AKT3: variants seen among roughly 807,000 people sequenced by gnomAD.
The protein encoded by AKT3 is RAC-gamma serine/threonine-protein kinase.
AKT3 carries 15 observed loss-of-function variants against 65.3 expected under a neutral mutation model. That is an observed-to-expected ratio of 0.23 (90% CI 0.15 to 0.35). The LOEUF (loss-of-function observed/expected upper bound fraction) is 0.35. AKT3 is among the 10% of genes least tolerant of loss of function. The probability of loss-of-function intolerance (pLI) is 1.00; values close to 1 mark genes in which losing one functional copy is unlikely to be tolerated. For missense variants in AKT3, 243 were observed against 576.5 expected, an observed-to-expected ratio of 0.42 and a Z score of 5.92; for synonymous variants, 206 against 183.8, an observed-to-expected ratio of 1.12 and a Z score of -0.98.
intron 12 of AKT3, among the ~76,000 whole-genome samples, chr1:243,543,916 A>G (rs1672482861): frequency 6.6e-6 from 1 of 152,192 alleles, no homozygotes; most frequent in African/African-American, 2.4e-5. Context: ...CCAGTAACCA[A>G]TAACATAATA....
At chr1:243,805,291 A>G (rs1205957387) in intron 2 of AKT3, among the ~76,000 whole-genome samples, 1 of 151,970 alleles carries the variant, frequency 6.6e-6, no homozygotes, top group African/African-American at 2.4e-5. Flanking sequence ...CCTTTCAAAG[A>G]TTAACCCCAT....
intron 6 of AKT3, among the ~76,000 whole-genome samples, chr1:243,617,724 A>G (rs566089023): frequency 6.6e-6 from 1 of 152,196 alleles, no homozygotes; most frequent in East Asian, 1.9e-4. Context: ...TGTTTGTGAA[A>G]GTCTACTCAC....
chr1:243,624,381 C>A (rs909556223), intron 6 of AKT3, among the ~76,000 whole-genome samples: 1 of 152,056 alleles, frequency 6.6e-6, no homozygotes, highest in Admixed American at 6.6e-5. Flanking sequence ...ACTTTTTTCC[C>A]CACATGTAAG....
At position 243,500,097 on chromosome 1, in the gene AKT3, G is replaced by C; in HGVS notation, c.*5152C>G. On this transcript the variant is annotated 3_prime_UTR_variant, in exon 14 of 14. Coordinates refer to ENST00000673466, the MANE Select transcript of AKT3 (RefSeq NM_005465.7). Reference sequence around the variant, plus strand: ...ATAAATGAACTTTTTAAAGACTTGAGTTGTAATGTTTCCTTTTTATCTTGT... The same window carrying C: ...ATAAATGAACTTTTTAAAGACTTGACTTGTAATGTTTCCTTTTTATCTTGT... The C allele has an allele frequency of 2.5e-6, 1 of 396,642 alleles. No homozygotes were observed. Among genetic ancestry groups the C allele is most frequent in the Non-Finnish European group, 4.5e-6 (1 of 221,360 alleles). 24.6% of individuals were successfully genotyped at this position (396,642 alleles called of 1,614,324 possible). A position where few individuals can be genotyped will look rare whatever the true frequency, so the allele number is the denominator to read the frequency against.
chr1:243,649,479 G>A (rs1681134839), intron 4 of AKT3, among the ~76,000 whole-genome samples: 1 of 151,498 alleles, frequency 6.6e-6, no homozygotes, highest in Admixed American at 6.6e-5. Flanking sequence ...TTCTTACATG[G>A]GTATACATGT....
At chr1:243,812,602 G>C (rs867670741) in intron 2 of AKT3, among the ~76,000 whole-genome samples, 49 of 152,296 alleles carry the variant, frequency 3.2e-4, no homozygotes, top group African/African-American at 1.2e-3. Flanking sequence ...CATTGTGGAA[G>C]ACAGTGTGGC....
chr1:243,830,681 A>G (rs1435159683), intron 2 of AKT3, among the ~76,000 whole-genome samples: 1 of 152,190 alleles, frequency 6.6e-6, no homozygotes. Flanking sequence ...GATTCTTCTT[A>G]TAGGCTTAGA....
At chr1:243,527,385 G>T (rs1038526644) in intron 12 of AKT3, among the ~76,000 whole-genome samples, 1 of 152,130 alleles carries the variant, frequency 6.6e-6, no homozygotes, top group East Asian at 1.9e-4. Flanking sequence ...TAAGTATTAA[G>T]ATCCATTTCA....
intron 2 of AKT3, among the ~76,000 whole-genome samples, chr1:243,700,991 ACT>A (rs1309148333): frequency 0.01 from 1,526 of 152,280 alleles, 29 homozygotes; most frequent in African/African-American, 0.035. Context: ...ATAACAACAA[ACT>A]GTATTTTTAC....
intron 8 of AKT3, among the ~76,000 whole-genome samples, chr1:243,588,064 C>T (rs1375897322): frequency 6.6e-6 from 1 of 152,160 alleles, no homozygotes; most frequent in Non-Finnish European, 1.5e-5. Flanking sequence ...CTTTCTGACA[C>T]ATTATTGAGG....
chr1:243,698,718 C>T (rs1685219916), intron 2 of AKT3, among the ~76,000 whole-genome samples: 1 of 151,952 alleles, frequency 6.6e-6, no homozygotes, highest in African/African-American at 2.4e-5. Flanking sequence ...TTATTTCTCA[C>T]AAACTTTTTA....
chr1:243,685,045 G>T (rs527426208), intron 3 of AKT3, among the ~76,000 whole-genome samples: 13 of 152,070 alleles, frequency 8.5e-5, no homozygotes, highest in Non-Finnish European at 1.6e-4. Flanking sequence ...GTAGATTCTG[G>T]ATATTAGCCC....
chr1:243,554,948 G>C (rs951116031), intron 10 of AKT3, among the ~76,000 whole-genome samples: 1 of 151,780 alleles, frequency 6.6e-6, no homozygotes, highest in African/African-American at 2.4e-5. Context: ...ACATAAAAAA[G>C]GGGGGTTTTA....
intron 6 of AKT3, among the ~76,000 whole-genome samples, chr1:243,637,187 G>T (rs1430424279): frequency 6.6e-6 from 1 of 151,994 alleles, no homozygotes; most frequent in Non-Finnish European, 1.5e-5. Context: ...CACCATTCTA[G>T]TATTTTCAAA....
chr1:243,673,452 A>T (rs1022223526), intron 3 of AKT3, among the ~76,000 whole-genome samples: 1 of 152,124 alleles, frequency 6.6e-6, no homozygotes, highest in African/African-American at 2.4e-5. Context: ...CTACATCATT[A>T]TATTTAATAG....
chr1:243,649,315 G>A (rs12145558), intron 4 of AKT3, among the ~76,000 whole-genome samples: 25 of 5,994 alleles, frequency 4.2e-3, no homozygotes, highest in South Asian at 0.017. Context: ...ATGTGTATAT[G>A]TGTGTGTGTG....
chr1:243,837,594 C>T (rs1694972662), intron 2 of AKT3, among the ~76,000 whole-genome samples: 1 of 151,998 alleles, frequency 6.6e-6, no homozygotes, highest in South Asian at 2.1e-4. Flanking sequence ...GGAATTTATT[C>T]CAGCAATGAA....
At chr1:243,765,658 C>A (rs1376375659) in intron 2 of AKT3, among the ~76,000 whole-genome samples, 1 of 152,138 alleles carries the variant, frequency 6.6e-6, no homozygotes, top group Non-Finnish European at 1.5e-5. Context: ...AAAGTTTGAA[C>A]TGGCTTCAGT....
chr1:243,823,831 C>T (rs955285267), intron 2 of AKT3, among the ~76,000 whole-genome samples: 1 of 152,124 alleles, frequency 6.6e-6, no homozygotes, highest in Non-Finnish European at 1.5e-5. Context: ...GGTCATACTG[C>T]CTAAAATAAT....
Sources: gnomAD v4.1 joint callset for allele counts (sites outside exome capture counted in the v4.1 genomes callset) on GRCh38, gnomAD v4.1.1 for gene constraint, MANE v1.5 for transcripts, NCBI Gene and HGNC (gene_info 2026-07-23, HGNC 2026-07-21) for gene names.